Variants in ANKRD13C observed in about 807,000 individuals in gnomAD.
The protein encoded by ANKRD13C is ankyrin repeat domain-containing protein 13C.
Under a neutral mutation model 65.5 loss-of-function variants are expected in ANKRD13C, and 16 were observed. The observed-to-expected ratio is 0.24, with a 90% CI of 0.17 to 0.37. ANKRD13C has a LOEUF of 0.37. Ranked by LOEUF, ANKRD13C falls within the 10% of genes least tolerant of loss-of-function variation. The probability of loss-of-function intolerance (pLI) is 1.00; values close to 1 mark genes in which losing one functional copy is unlikely to be tolerated. For synonymous variants in ANKRD13C, 235 were observed against 238.7 expected, an observed-to-expected ratio of 0.98 and a Z score of 0.14; for missense variants, 503 against 655.9, an observed-to-expected ratio of 0.77 and a Z score of 2.55.
intron 1 of ANKRD13C, among the ~76,000 whole-genome samples, chr1:70,347,091 CAAAAAAA>C (rs35972712): frequency 1.7e-4 from 6 of 36,342 alleles, no homozygotes; most frequent in Non-Finnish European, 1.8e-4. Flanking sequence ...GGCTCCGTCT[CAAAAAAA>C]AAAAAAAAAA....
In ANKRD13C at chr1:70,261,559, T is replaced by A. The variant is rs1678389503; in HGVS notation, c.*1158A>T. ...ATAAGAAAAATTTTAAGTGCAAAAA[T>A]GAGTAATACATGATTTTATCACTTT... On this transcript the variant is annotated 3_prime_UTR_variant, in exon 13 of 13. Transcript: ENST00000370944. The A allele has an allele frequency of 6.6e-6, 1 of 152,108 alleles. No homozygotes were observed. The highest frequency in any genetic ancestry group is 2.4e-5 in the African/African-American group (1 of 41,422). The allele number at this position is 152,108 out of a possible 1,614,324, so 9.4% of individuals were successfully genotyped here. A position where few individuals can be genotyped will look rare whatever the true frequency, so the allele number is the denominator to read the frequency against.
At chr1:70,283,935 T>C (rs538628547) in intron 9 of ANKRD13C, among the ~76,000 whole-genome samples, 87 of 152,312 alleles carry the variant, frequency 5.7e-4, no homozygotes, top group African/African-American at 2.0e-3. Flanking sequence ...CATTGTTCCC[T>C]ACTCCAATGA....
At chr1:70,334,360 A>G (rs1681928817) in intron 2 of ANKRD13C, among the ~76,000 whole-genome samples, 2 of 152,164 alleles carry the variant, frequency 1.3e-5, no homozygotes, top group South Asian at 4.1e-4. Context: ...TGGATCATAC[A>G]CTTCATTTAA....
Position 70,260,461 on chromosome 1 carries a change from C to A in ANKRD13C, c.*2256G>T, listed in dbSNP as rs911033690. On this transcript the variant is annotated 3_prime_UTR_variant, in exon 13 of 13. Transcript: ENST00000370944. ...AGAAGAACATATAGAATTTTGTGTA[C>A]CTACATTGCAAAATCTTGATTTTTC... is the stretch of plus-strand genomic sequence containing the variant. 26 of 152,058 alleles carry A rather than the reference C, an allele frequency of 1.7e-4. No individual in the cohort carries two copies. The highest frequency in any genetic ancestry group is 5.8e-4 in the African/African-American group (24 of 41,428). The allele number at this position is 152,058 out of a possible 1,614,324, so 9.4% of individuals were successfully genotyped here.
chr1:70,292,605 G>T, intron 8 of ANKRD13C, 56 bp from the exon 9 acceptor site: 1 of 1,332,096 alleles, frequency 7.5e-7, no homozygotes, highest in African/African-American at 1.5e-5. Flanking sequence ...AAAGTGTCAA[G>T]GTAATATATT....
At chr1:70,270,831 A>T in intron 12 of ANKRD13C, 25 bp downstream of exon 12, 1 of 1,484,760 alleles carries the variant, frequency 6.7e-7, no homozygotes, top group Non-Finnish European at 9.3e-7. Context: ...TGGACACTAA[A>T]ATTATATCTA....
Position 70,354,476 on chromosome 1 carries a change from G to C in ANKRD13C, c.-68C>G, listed in dbSNP as rs1039242986. On this transcript the variant is annotated 5_prime_UTR_variant, in exon 1 of 13. Coordinates refer to ENST00000370944, the MANE Select transcript of ANKRD13C (RefSeq NM_030816.5). ...CTGGCGACGGAGCTGGCGCTGCGGC[G>C]GCACAAGGCGATTAGAGCGGTGGCC... The C allele has an allele frequency of 1.5e-5, 23 of 1,521,728 alleles. No individual in the cohort carries two copies. The Admixed American group carries it at 2.4e-4, about 16-fold the overall frequency. The allele number at this position is 1,521,728 out of a possible 1,614,324, so 94.3% of individuals were successfully genotyped here.
chr1:70,294,402 C>G (rs1679989517), intron 8 of ANKRD13C, among the ~76,000 whole-genome samples: 1 of 152,112 alleles, frequency 6.6e-6, no homozygotes, highest in Non-Finnish European at 1.5e-5. Context: ...GGTGTTTGGT[C>G]AAACGCCAGT....
chr1:70,323,414 G>A (rs959093935), intron 3 of ANKRD13C, among the ~76,000 whole-genome samples: 1 of 152,062 alleles, frequency 6.6e-6, no homozygotes, highest in African/African-American at 2.4e-5. Context: ...GGAGGCCAAG[G>A]TGGGCGGATC....
chr1:70,347,456 C>G (rs781284002), intron 1 of ANKRD13C, among the ~76,000 whole-genome samples: 1 of 152,156 alleles, frequency 6.6e-6, no homozygotes, highest in Non-Finnish European at 1.5e-5. Context: ...TCCAATGAGT[C>G]CTCTAGAATT....
intron 8 of ANKRD13C, chr1:70,293,519 G>T (rs1346256922): frequency 1.0e-6 from 1 of 981,480 alleles, no homozygotes; most frequent in Non-Finnish European, 1.2e-6. Flanking sequence ...AAAGATTTAA[G>T]AAGATCACCT....
chr1:70,352,087 C>T (rs948021635), intron 1 of ANKRD13C, among the ~76,000 whole-genome samples: 2 of 151,834 alleles, frequency 1.3e-5, no homozygotes, highest in African/African-American at 4.8e-5. Flanking sequence ...GGCCTGTAAT[C>T]CCAGCACTCT....
At chr1:70,342,850 C>T (rs888261359) in intron 1 of ANKRD13C, among the ~76,000 whole-genome samples, 8 of 151,812 alleles carry the variant, frequency 5.3e-5, no homozygotes, top group African/African-American at 1.7e-4. Context: ...ACAATGTATC[C>T]TTTTATTTTT....
chr1:70,274,881 G>T, intron 10 of ANKRD13C, 63 bp from the exon 11 acceptor site: 1 of 987,702 alleles, frequency 1.0e-6, no homozygotes, highest in Non-Finnish European at 1.6e-6. Flanking sequence ...TTCCTAAGAA[G>T]CATCTGTCAT....
intron 3 of ANKRD13C, among the ~76,000 whole-genome samples, chr1:70,318,542 G>A (rs1558297149): frequency 6.6e-6 from 1 of 152,050 alleles, no homozygotes; most frequent in African/African-American, 2.4e-5. Context: ...AGACCATACT[G>A]CTCTTGCTCC....
chr1:70,322,563 T>G (rs1426429651), intron 3 of ANKRD13C, among the ~76,000 whole-genome samples: 1 of 152,198 alleles, frequency 6.6e-6, no homozygotes, highest in Non-Finnish European at 1.5e-5. Context: ...TAACTAATTT[T>G]CCATGAAAAT....
At chr1:70,269,531 A>C (rs1678784761) in intron 12 of ANKRD13C, among the ~76,000 whole-genome samples, 1 of 152,176 alleles carries the variant, frequency 6.6e-6, no homozygotes, top group South Asian at 2.1e-4. Context: ...GTGGAGTTTT[A>C]AACTTCTGCA....
At chr1:70,332,497 C>T (rs1178656805) in intron 2 of ANKRD13C, among the ~76,000 whole-genome samples, 2 of 152,132 alleles carry the variant, frequency 1.3e-5, no homozygotes, top group Non-Finnish European at 2.9e-5. Flanking sequence ...AACGGAGTCT[C>T]GCTCTGTTAT....
chr1:70,333,602 C>A (rs972786673), intron 2 of ANKRD13C, among the ~76,000 whole-genome samples: 16 of 152,200 alleles, frequency 1.1e-4, no homozygotes, highest in African/African-American at 3.9e-4. Flanking sequence ...TTGAGATAAA[C>A]TGGACCAATC....
Sources: gnomAD v4.1 joint callset for allele counts (sites outside exome capture counted in the v4.1 genomes callset) on GRCh38, gnomAD v4.1.1 for gene constraint, MANE v1.5 for transcripts, NCBI Gene and HGNC (gene_info 2026-07-23, HGNC 2026-07-21) for gene names.